The following BIN3 variants were observed in gnomAD, a reference collection of about 807,000 sequenced individuals.
The protein encoded by BIN3 is bridging integrator 3.
A neutral mutation model predicts 38.2 loss-of-function variants in BIN3; 41 were observed. The observed-to-expected ratio is 1.07, with a 90% confidence interval of 0.84 to 1.39. BIN3 has a LOEUF of 1.39. Among genes scored for constraint, BIN3 ranks in the 40% most tolerant of loss-of-function variants. The pLI, the probability that BIN3 is intolerant of heterozygous loss-of-function variation, is 0.00. For synonymous variants in BIN3, 145 were observed against 122.6 expected (o/e 1.18, Z -1.21); for missense variants, 361 against 324.3 (o/e 1.11, Z -0.87).
Position 22,642,159 on chromosome 8 carries a change from AC to A in BIN3, c.57+2595del, listed in dbSNP as rs562647572. 3.1e-3 allele frequency among the ~76,000 whole-genome samples: 469 copies of A among 152,298 alleles called. 5 individuals are homozygous for A. The highest frequency in any genetic ancestry group is 0.011 in the African/African-American group (450 of 41,552). ...AACCTCCTGAAACTCCCTGAAGATAACGTGAGCATTTCTTCCCATGACAGGG... is the reference window on the plus strand; with the variant it reads ...AACCTCCTGAAACTCCCTGAAGATAAGTGAGCATTTCTTCCCATGACAGGG... On this transcript the variant is annotated intron_variant, in intron 2 of 8. Coordinates refer to ENST00000276416, the MANE Select transcript of BIN3 (RefSeq NM_018688.6).
At chr8:22,664,319 G>A (rs1386965604) in intron 1 of BIN3, among the ~76,000 whole-genome samples, 2 of 152,176 alleles carry the variant, frequency 1.3e-5, no homozygotes, top group Admixed American at 6.5e-5. Flanking sequence ...CCTGAAATAA[G>A]AGCAAGCTCA....
chr8:22,665,471 G>T (rs2117606954), intron 1 of BIN3, among the ~76,000 whole-genome samples: 2 of 152,328 alleles, frequency 1.3e-5, no homozygotes, highest in Admixed American at 1.3e-4. Context: ...GCTGATGAAG[G>T]TCAGAAGAGC....
In BIN3 at chr8:22,623,303, C is replaced by T. The variant is rs375998021; in HGVS notation, c.615+612G>A. On this transcript the variant is annotated intron_variant, in intron 8 of 8. Coordinates refer to ENST00000276416, the MANE Select transcript of BIN3 (RefSeq NM_018688.6). ...AGGAGCATGCCACTCCGTGTCCTCC[C>T]GTCCCCGAGTGGAAGGAGACGCTGG... Among the ~76,000 whole-genome samples the T allele has an allele frequency of 1.5e-4, 23 of 152,282 alleles. No homozygotes were observed. The East Asian group carries it at 2.7e-3, about 18-fold the overall frequency.
intron 6 of BIN3, among the ~76,000 whole-genome samples, chr8:22,629,091 C>T (rs1180504217): frequency 6.6e-6 from 1 of 152,344 alleles, no homozygotes; most frequent in African/African-American, 2.4e-5. Context: ...ATACTTCAGG[C>T]CTGCACAATC....
At chr8:22,656,684 A>G (rs1178747961) in intron 1 of BIN3, among the ~76,000 whole-genome samples, 1 of 152,226 alleles carries the variant, frequency 6.6e-6, no homozygotes, top group Non-Finnish European at 1.5e-5. Context: ...GATTTCAGCC[A>G]GGAACGTTCC....
intron 6 of BIN3, among the ~76,000 whole-genome samples, chr8:22,628,350 C>T (rs1802070976): frequency 6.6e-6 from 1 of 152,200 alleles, no homozygotes; most frequent in Non-Finnish European, 1.5e-5. Flanking sequence ...GCTGGGGTCC[C>T]TGGGAGCTTC....
At chr8:22,645,165 CAAA>C (rs61368703) in intron 1 of BIN3, among the ~76,000 whole-genome samples, 2,212 of 120,344 alleles carry the variant, frequency 0.018, 52 homozygotes, top group African/African-American at 0.06. Flanking sequence ...ACCCTATCTC[CAAA>C]AAAAAAAAAA....
intron 4 of BIN3, chr8:22,634,432 C>A (rs940095362): frequency 4.4e-6 from 2 of 450,818 alleles, no homozygotes; most frequent in African/African-American, 2.1e-5. Flanking sequence ...GTGGTGGTGA[C>A]GGCGGCTCCC....
At chr8:22,627,312 T>C (rs1802033475) in intron 6 of BIN3, among the ~76,000 whole-genome samples, 1 of 151,614 alleles carries the variant, frequency 6.6e-6, no homozygotes. Flanking sequence ...GGCTGAAGAG[T>C]AGTGGACCAG....
chr8:22,640,354 ATT>A (rs35170682), intron 2 of BIN3, among the ~76,000 whole-genome samples: 7 of 139,318 alleles, frequency 5.0e-5, no homozygotes, highest in African/African-American at 2.7e-5. Flanking sequence ...TAATTTTTGA[ATT>A]TTTTTTTTTT....
intron 4 of BIN3, among the ~76,000 whole-genome samples, chr8:22,633,503 G>C (rs557665549): frequency 1.3e-5 from 2 of 152,300 alleles, no homozygotes; most frequent in Admixed American, 1.3e-4. Context: ...GTCCTGATGC[G>C]GCCTCTGGAA....
intron 1 of BIN3, among the ~76,000 whole-genome samples, chr8:22,656,762 C>T (rs1159439270): frequency 6.6e-6 from 1 of 152,132 alleles, no homozygotes; most frequent in Non-Finnish European, 1.5e-5. Flanking sequence ...TTTTGAATTC[C>T]ACCAATGCCT....
At position 22,651,033 on chromosome 8, in the gene BIN3, G is replaced by A. The variant is rs185041680; in HGVS notation, c.9-6230C>T. ...GCATAGCAGTTGTAGCCGATGTACT[G>A]AGTCACAAACTCGTAAGAGTTTCCA... On this transcript the variant is annotated intron_variant, in intron 1 of 8. Coordinates refer to ENST00000276416, the MANE Select transcript of BIN3 (RefSeq NM_018688.6). 3.3e-5 allele frequency among the ~76,000 whole-genome samples: 5 copies of A among 152,278 alleles called. No homozygotes were observed. In the East Asian group the frequency reaches 7.7e-4, roughly 23 times the overall value.
intron 4 of BIN3, among the ~76,000 whole-genome samples, chr8:22,632,954 C>G (rs1802253553): frequency 6.6e-6 from 1 of 152,186 alleles, no homozygotes; most frequent in South Asian, 2.1e-4. Flanking sequence ...GGTGATCTAC[C>G]TGCCTTTGCC....
In BIN3 at chr8:22,624,285, C is replaced by A. The variant is rs563761239; in HGVS notation, c.417G>T (p.Gln139His). 1.2e-6 allele frequency: 2 copies of A among 1,613,878 alleles called. No individual in the cohort carries two copies. Among genetic ancestry groups the A allele is most frequent in the East Asian group, 2.2e-5 (1 of 44,896 alleles). Residue 139 changes from glutamine (Q) to histidine (H), a missense_variant, in exon 7 of 9, where the codon CAG becomes CAT. Gln to His is a conservative substitution (Grantham distance 24). Transcript: ENST00000276416. The part of the protein sequence containing the change: ...EQALQDYRRL[Q>H]AKVEKYEEKE... ...TTTCCTCATACTTCTCCACCTTGGC[C>A]TGCAGCCTCCTGTAGTCCTGCAAGG...
At chr8:22,666,054 C>T (rs962178585) in intron 1 of BIN3, among the ~76,000 whole-genome samples, 5 of 152,138 alleles carry the variant, frequency 3.3e-5, no homozygotes, top group Admixed American at 1.3e-4. Context: ...TCACACTTAC[C>T]TGCTCTGCCT....
At chr8:22,629,874 A>G in intron 6 of BIN3, 90 bp downstream of exon 6, 2 of 1,257,362 alleles carry the variant, frequency 1.6e-6, no homozygotes, top group African/African-American at 3.0e-5. Context: ...ATCTGGGGAC[A>G]CGCAGCTAGA....
chr8:22,657,107 C>G (rs1803080410), intron 1 of BIN3, among the ~76,000 whole-genome samples: 1 of 152,190 alleles, frequency 6.6e-6, no homozygotes, highest in Non-Finnish European at 1.5e-5. Context: ...CTAGGGATAT[C>G]AGGATGAACG....
intron 3 of BIN3, 91 bp downstream of exon 3, chr8:22,636,831 G>A (rs1802382177): frequency 1.4e-6 from 2 of 1,423,582 alleles, no homozygotes; most frequent in South Asian, 1.2e-5. Flanking sequence ...GGGTGCTCAC[G>A]GGGCAGGGCA....
Sources: allele counts gnomAD v4.1 joint callset (sites outside exome capture counted in the v4.1 genomes callset), GRCh38; gene constraint gnomAD v4.1.1; transcripts MANE v1.5; gene names NCBI Gene and HGNC (gene_info 2026-07-23, HGNC 2026-07-21).